The following CLYBL variants were observed in gnomAD, a reference collection of about 807,000 sequenced individuals.
CLYBL encodes the protein citramalyl-CoA lyase, mitochondrial.
Under a neutral mutation model 38.9 loss-of-function variants are expected in CLYBL, and 31 were observed. The ratio of observed to expected loss-of-function variants is 0.80; its 90% confidence interval spans 0.60 to 1.08. CLYBL has a LOEUF of 1.08. Among genes scored for constraint, CLYBL ranks in the 50% least tolerant of loss-of-function variants. CLYBL has a pLI of 0.00. For synonymous variants in CLYBL, 171 were observed against 158.6 expected (o/e 1.08, Z -0.59); for missense variants, 434 against 411.6 (o/e 1.05, Z -0.47).
At chr13:99,870,075 A>G (rs1403100533) in intron 6 of CLYBL, among the ~76,000 whole-genome samples, 2 of 152,086 alleles carry the variant, frequency 1.3e-5, no homozygotes, top group Non-Finnish European at 2.9e-5. Flanking sequence ...TCTTTCAACT[A>G]TAAAAAGAAT....
chr13:99,772,735 A>G (rs1284042126), intron 1 of CLYBL, 89 bp from the exon 2 acceptor site: 62 of 1,075,520 alleles, frequency 5.8e-5, no homozygotes, highest in Non-Finnish European at 8.1e-5. Context: ...CATGTGTTCT[A>G]TTTTAATTTT....
At chr13:99,640,827 A>G (rs761894600) in intron 1 of CLYBL, among the ~76,000 whole-genome samples, 3 of 152,340 alleles carry the variant, frequency 2.0e-5, no homozygotes, top group African/African-American at 2.4e-5. Flanking sequence ...ATTTGTATGC[A>G]TGTACCCAGA....
chr13:99,878,905 G>A (rs1032513894), intron 7 of CLYBL, among the ~76,000 whole-genome samples: 13 of 152,098 alleles, frequency 8.5e-5, no homozygotes, highest in African/African-American at 2.9e-4. Flanking sequence ...TACATGTTTA[G>A]ACCCCGAGGA....
chr13:99,754,309 TGGG>T (rs1265220015), intron 1 of CLYBL, among the ~76,000 whole-genome samples: 1 of 149,152 alleles, frequency 6.7e-6, no homozygotes, highest in Non-Finnish European at 1.5e-5. Flanking sequence ...AATCACTACT[TGGG>T]AGGCTGAAGT....
chr13:99,615,148 G>C (rs1473421769), intron 1 of CLYBL, among the ~76,000 whole-genome samples: 1 of 152,212 alleles, frequency 6.6e-6, no homozygotes, highest in Non-Finnish European at 1.5e-5. Context: ...CATGGGGAGT[G>C]CTCTCAGGGC....
intron 1 of CLYBL, among the ~76,000 whole-genome samples, chr13:99,771,589 C>T (rs1282501579): frequency 2.0e-5 from 3 of 152,214 alleles, no homozygotes; most frequent in East Asian, 1.9e-4. Context: ...TTTACCATAT[C>T]GTATGAGCTA....
At chr13:99,864,092 T>G (rs2051679501) in intron 4 of CLYBL, among the ~76,000 whole-genome samples, 1 of 152,222 alleles carries the variant, frequency 6.6e-6, no homozygotes, top group Non-Finnish European at 1.5e-5. Context: ...ACCAGATTCA[T>G]CCAGTGATTT....
chr13:99,788,110 G>T (rs1207633788), intron 2 of CLYBL, among the ~76,000 whole-genome samples: 1 of 151,984 alleles, frequency 6.6e-6, no homozygotes, highest in African/African-American at 2.4e-5. Context: ...CTGAGACGAT[G>T]GAGTTTTCTA....
chr13:99,743,995 C>T (rs1359254831), intron 1 of CLYBL, among the ~76,000 whole-genome samples: 2 of 95,286 alleles, frequency 2.1e-5, no homozygotes, highest in Non-Finnish European at 3.8e-5. Flanking sequence ...TTTTTTGAGA[C>T]GGAGTTTCGC....
At chr13:99,668,022 CCAG>C (rs1156545464) in intron 1 of CLYBL, among the ~76,000 whole-genome samples, 4 of 152,250 alleles carry the variant, frequency 2.6e-5, no homozygotes, top group African/African-American at 9.6e-5. Flanking sequence ...ACCTGTAATT[CCAG>C]CACTTTAGGA....
chr13:99,876,108 T>C (rs2052034075), intron 7 of CLYBL, among the ~76,000 whole-genome samples: 1 of 135,588 alleles, frequency 7.4e-6, no homozygotes, highest in South Asian at 2.4e-4. Flanking sequence ...AAATGGCTGG[T>C]TTGGTATTAG....
At position 99,849,234 on chromosome 13, in the gene CLYBL, G is replaced by A. The variant is rs1464185091; in HGVS notation, c.250-9627G>A. Among the ~76,000 whole-genome samples, 5 of 151,810 alleles carry A rather than the reference G, an allele frequency of 3.3e-5. No homozygotes were observed. Among genetic ancestry groups the A allele is most frequent in the Non-Finnish European group, 7.4e-5 (5 of 67,928 alleles). On this transcript the variant is annotated intron_variant, in intron 2 of 8. Transcript: ENST00000339105. This position sits in a 1 kb window ranked among gnomAD's most constrained non-coding sequence, Gnocchi z 4.9. ...TCTTTTTTAAAAGTTGTGTGTAGCCGAGTGTGGTGGTGCATGTCTGTAGTC... is the reference window on the plus strand; with the variant it reads ...TCTTTTTTAAAAGTTGTGTGTAGCCAAGTGTGGTGGTGCATGTCTGTAGTC...
intron 6 of CLYBL, 68 bp downstream of exon 6, chr13:99,866,475 C>T (rs541984635): frequency 5.8e-4 from 799 of 1,382,274 alleles, no homozygotes; most frequent in South Asian, 8.9e-4. Flanking sequence ...AAATTTGACC[C>T]GAAAACACCC....
intron 1 of CLYBL, among the ~76,000 whole-genome samples, chr13:99,629,009 C>T (rs2046907204): frequency 6.6e-6 from 1 of 152,238 alleles, no homozygotes; most frequent in South Asian, 2.1e-4. Flanking sequence ...GAAACAGCGA[C>T]TGCCGCCCAG....
At chr13:99,800,240 A>G (rs1277329435) in intron 2 of CLYBL, among the ~76,000 whole-genome samples, 1 of 152,188 alleles carries the variant, frequency 6.6e-6, no homozygotes, top group East Asian at 1.9e-4. Flanking sequence ...ACTGGCCACC[A>G]TGATTGGTTC....
intron 1 of CLYBL, among the ~76,000 whole-genome samples, chr13:99,637,868 C>A (rs898721459): frequency 6.6e-6 from 1 of 150,664 alleles, no homozygotes; most frequent in Non-Finnish European, 1.5e-5. Flanking sequence ...GAAAAGCTTT[C>A]AAGGAGAATT....
At chr13:99,840,328 C>T (rs2051040841) in intron 2 of CLYBL, among the ~76,000 whole-genome samples, 1 of 151,766 alleles carries the variant, frequency 6.6e-6, no homozygotes, top group African/African-American at 2.4e-5. Flanking sequence ...GTTACATATG[C>T]AGGCCAGGCA....
intron 2 of CLYBL, among the ~76,000 whole-genome samples, chr13:99,848,165 C>A (rs992589143): frequency 6.6e-6 from 1 of 152,178 alleles, no homozygotes; most frequent in Non-Finnish European, 1.5e-5. Context: ...GAGTCCCAGA[C>A]TCCCCTCCTC....
At chr13:99,802,126 A>G (rs757514105) in intron 2 of CLYBL, among the ~76,000 whole-genome samples, 1 of 152,172 alleles carries the variant, frequency 6.6e-6, no homozygotes, top group Non-Finnish European at 1.5e-5. Flanking sequence ...GGCTTAAAGA[A>G]CAAACATTTA....
Sources: gnomAD v4.1 joint callset for allele counts (sites outside exome capture counted in the v4.1 genomes callset) on GRCh38, gnomAD v4.1.1 for gene constraint, Gnocchi (gnomAD v3.1) non-coding constraint, MANE v1.5 for transcripts, NCBI Gene and HGNC (gene_info 2026-07-23, HGNC 2026-07-21) for gene names.